The following TAFA2 variants were observed in gnomAD, a reference collection of about 807,000 sequenced individuals.
The protein encoded by TAFA2 is TAFA chemokine like family member 2.
Under a neutral mutation model 18.8 loss-of-function variants are expected in TAFA2, and 7 were observed. That is an observed-to-expected ratio of 0.37 (90% CI 0.21 to 0.70). The LOEUF is 0.70. TAFA2 is among the 30% of genes least tolerant of loss of function. The pLI, the probability that TAFA2 is intolerant of heterozygous loss-of-function variation, is 0.53. For missense variants in TAFA2, 122 were observed against 158.1 expected, an observed-to-expected ratio of 0.77 and a Z score of 1.23; for synonymous variants, 60 against 54.2, an observed-to-expected ratio of 1.11 and a Z score of -0.47.
intron 1 of TAFA2, among the ~76,000 whole-genome samples, chr12:62,010,289 G>T (rs542610232): frequency 5.5e-4 from 84 of 151,936 alleles, no homozygotes; most frequent in Middle Eastern, 6.8e-3. Flanking sequence ...TCCTGCCTTG[G>T]CCTGGGTTTG....
At chr12:61,975,443 G>C (rs1331307375) in intron 1 of TAFA2, among the ~76,000 whole-genome samples, 1 of 150,598 alleles carries the variant, frequency 6.6e-6, no homozygotes, top group Non-Finnish European at 1.5e-5. Flanking sequence ...ATTTCACTTA[G>C]CATAGTGTCT....
At chr12:61,853,741 T>C (rs1313324437) in intron 2 of TAFA2, among the ~76,000 whole-genome samples, 1 of 152,140 alleles carries the variant, frequency 6.6e-6, no homozygotes, top group Non-Finnish European at 1.5e-5. Context: ...GTTTTTTGTT[T>C]GATTGGAGGG....
chr12:61,939,424 T>A (rs2121416273), intron 1 of TAFA2, among the ~76,000 whole-genome samples: 1 of 152,330 alleles, frequency 6.6e-6, no homozygotes, highest in African/African-American at 2.4e-5. Context: ...ATCTTTGGTT[T>A]ATTGGCAAAA....
At chr12:61,841,350 C>G (rs1390513295) in intron 2 of TAFA2, among the ~76,000 whole-genome samples, 2 of 152,050 alleles carry the variant, frequency 1.3e-5, no homozygotes, top group Non-Finnish European at 2.9e-5. Flanking sequence ...CACATAAGGC[C>G]AGTTCAAACA....
At chr12:61,940,031 T>G (rs1408466604) in intron 1 of TAFA2, among the ~76,000 whole-genome samples, 1 of 152,224 alleles carries the variant, frequency 6.6e-6, no homozygotes, top group African/African-American at 2.4e-5. Flanking sequence ...AATAGCCTGG[T>G]ACTTAGCATA....
chr12:61,909,889 C>G (rs1256286774), intron 1 of TAFA2, among the ~76,000 whole-genome samples: 1 of 152,080 alleles, frequency 6.6e-6, no homozygotes, highest in Non-Finnish European at 1.5e-5. Flanking sequence ...CTAAAAGGAA[C>G]AAATACCATA....
chr12:62,132,103 TGATAA>T (rs1592355747), intron 1 of TAFA2, among the ~76,000 whole-genome samples: 1 of 151,894 alleles, frequency 6.6e-6, no homozygotes, highest in Non-Finnish European at 1.5e-5. Context: ...AAATCTACAT[TGATAA>T]GATAAAATTT....
chr12:62,184,687 G>C (rs1408409742), intron 1 of TAFA2, among the ~76,000 whole-genome samples: 1 of 151,292 alleles, frequency 6.6e-6, no homozygotes, highest in East Asian at 1.9e-4. Context: ...CTTTTGTAAA[G>C]GCAGGGTTTC....
chr12:62,064,535 C>T (rs767694972), intron 1 of TAFA2, among the ~76,000 whole-genome samples: 5 of 152,052 alleles, frequency 3.3e-5, no homozygotes, highest in Non-Finnish European at 7.4e-5. Context: ...AAAATATACA[C>T]CACTCAAATC....
chr12:62,227,715 C>A (rs569809433), intron 1 of TAFA2, among the ~76,000 whole-genome samples: 2 of 152,264 alleles, frequency 1.3e-5, no homozygotes, highest in Middle Eastern at 3.4e-3. Context: ...TGTCCTGAAG[C>A]GTTTCCCAAA....
chr12:62,027,891 G>A (rs960517502), intron 1 of TAFA2, among the ~76,000 whole-genome samples: 22 of 151,978 alleles, frequency 1.4e-4, no homozygotes, highest in Admixed American at 2.6e-4. Flanking sequence ...CAAATCCTTC[G>A]GGGAACCACA....
At chr12:61,982,749 T>C (rs1178336138) in intron 1 of TAFA2, among the ~76,000 whole-genome samples, 1 of 152,032 alleles carries the variant, frequency 6.6e-6, no homozygotes, top group Non-Finnish European at 1.5e-5. Flanking sequence ...TTTACCTTTG[T>C]GAGAATTTTC....
chr12:62,244,975 T>C (rs911677900), intron 1 of TAFA2, among the ~76,000 whole-genome samples: 2 of 152,148 alleles, frequency 1.3e-5, no homozygotes, highest in Non-Finnish European at 1.5e-5. Context: ...CACTCTGTGG[T>C]TTATCTTTAA....
chr12:62,055,670 T>A (rs1292834268), intron 1 of TAFA2, among the ~76,000 whole-genome samples: 1 of 152,316 alleles, frequency 6.6e-6, no homozygotes, highest in East Asian at 1.9e-4. Context: ...ATATTTTAGA[T>A]CGCCTTTTTC....
At chr12:61,909,379 C>T (rs1876504418) in intron 1 of TAFA2, among the ~76,000 whole-genome samples, 1 of 152,114 alleles carries the variant, frequency 6.6e-6, no homozygotes, top group South Asian at 2.1e-4. Context: ...TAGGGGAAGA[C>T]ATCTAGGTTA....
intron 1 of TAFA2, among the ~76,000 whole-genome samples, chr12:62,151,134 A>T (rs988086359): frequency 6.6e-6 from 1 of 152,230 alleles, no homozygotes; most frequent in Non-Finnish European, 1.5e-5. Context: ...TCAAATTCAC[A>T]TCACCACCAT....
chr12:61,713,024 CAA>C, intron 4 of TAFA2, among the ~76,000 whole-genome samples: 1 of 152,210 alleles, frequency 6.6e-6, no homozygotes, highest in Non-Finnish European at 1.5e-5. Context: ...AAATCTTTAA[CAA>C]GAGAGCCACT....
intron 1 of TAFA2, chr12:62,255,174 A>C (rs2062932413): frequency 2.0e-5 from 3 of 152,226 alleles, no homozygotes; most frequent in African/African-American, 7.2e-5. Flanking sequence ...ATGAGTATAA[A>C]AATTTAAAAA....
intron 4 of TAFA2, chr12:61,720,877 T>A (rs1869863050): frequency 1.9e-6 from 1 of 515,676 alleles, no homozygotes. Flanking sequence ...AGCAGAAACC[T>A]TCTCTTTCTA....
Sources: allele counts gnomAD v4.1 joint callset (sites outside exome capture counted in the v4.1 genomes callset), GRCh38; gene constraint gnomAD v4.1.1; transcripts MANE v1.5; gene names NCBI Gene and HGNC (gene_info 2026-07-23, HGNC 2026-07-21).